RNF17: variants seen among roughly 807,000 people sequenced by gnomAD.
The protein encoded by RNF17 is spermatogenesis associated 23.
In RNF17, 31 loss-of-function variants were observed where a neutral mutation model predicts 200.5. That is an observed-to-expected ratio of 0.15 (90% CI 0.12 to 0.21). RNF17 has a LOEUF of 0.21. Among genes scored for constraint, RNF17 ranks in the 10% least tolerant of loss-of-function variants. The pLI is 1.00. For synonymous variants in RNF17, 606 were observed against 637.8 expected, an observed-to-expected ratio of 0.95 and a Z score of 0.75; for missense variants, 1,628 against 1,905.1, an observed-to-expected ratio of 0.85 and a Z score of 2.71.
chr13:24,768,637 T>C (rs1173215005), intron 2 of RNF17, among the ~76,000 whole-genome samples: 1 of 151,860 alleles, frequency 6.6e-6, no homozygotes. Context: ...AGGCTTTGTA[T>C]CATTTGTTTT....
chr13:24,793,215 A>G lies in RNF17; in HGVS notation c.1109A>G (p.His370Arg). ...PPLQPETNDVHLEAKNFQPQK... is the reference protein window; with the variant it reads ...PPLQPETNDVRLEAKNFQPQK... ...TTGCAACCTGAGACAAATGATGTAC[A>G]TTTAGAAGCAAAAAACTTCCAGCCA... Residue 370 changes from histidine (H) to arginine (R), a missense_variant, in exon 10 of 36, where the codon CAT becomes CGT. Physicochemically the swap from His to Arg is conservative, Grantham distance 29. Coordinates refer to ENST00000255324, the MANE Select transcript of RNF17 (RefSeq NM_031277.3). 1 of 1,614,124 alleles carries G rather than the reference A, an allele frequency of 6.2e-7. No homozygotes were observed. Among genetic ancestry groups the G allele is most frequent in the Non-Finnish European group, 8.5e-7 (1 of 1,179,980 alleles).
At chr13:24,766,914 G>C (rs999182457) in intron 1 of RNF17, among the ~76,000 whole-genome samples, 7 of 152,170 alleles carry the variant, frequency 4.6e-5, no homozygotes, top group African/African-American at 1.4e-4. Flanking sequence ...GACCTGAATA[G>C]TTGGTTACTC....
intron 15 of RNF17, among the ~76,000 whole-genome samples, chr13:24,808,901 A>C (rs1305490448): frequency 1.5e-5 from 2 of 137,002 alleles, no homozygotes; most frequent in African/African-American, 5.5e-5. Context: ...TATTGAGATA[A>C]TCATGTGGTT....
rs1250550135 is a variant in RNF17, at chr13:24,810,940, T to C, written c.2091+6511T>C. 2.0e-5 allele frequency among the ~76,000 whole-genome samples: 3 copies of C among 150,414 alleles called. No homozygotes were observed. In the East Asian group the frequency reaches 5.9e-4, roughly 29 times the overall value. Reference sequence around the variant, plus strand: ...GGATATGAAATTCTGGGTTGAAAATTCTTTTCTTTAAGAATGTTGAATATT... The same window carrying C: ...GGATATGAAATTCTGGGTTGAAAATCCTTTTCTTTAAGAATGTTGAATATT... On this transcript the variant is annotated intron_variant, in intron 15 of 35. Transcript: ENST00000255324.
intron 15 of RNF17, among the ~76,000 whole-genome samples, chr13:24,817,811 A>C (rs992707669): frequency 1.3e-5 from 2 of 150,640 alleles, no homozygotes; most frequent in Non-Finnish European, 3.0e-5. Flanking sequence ...TTTCTTTTCT[A>C]GTTATTCTAG....
In RNF17 at chr13:24,799,574, A is replaced by T. The variant is rs760411937; in HGVS notation, c.1579A>T (p.Ile527Phe). 27 of 1,591,732 alleles carry T rather than the reference A, an allele frequency of 1.7e-5. No individual in the cohort carries two copies. Among genetic ancestry groups the T allele is most frequent in the Admixed American group, 5.1e-5 (3 of 58,970 alleles). Reference protein sequence around the residue: ...MVDFGNSEVLIVTGVVDTHVR... With the variant: ...MVDFGNSEVLFVTGVVDTHVR... ...AGATTTTGGAAATTCTGAAGTCCTGATTGTCACTGGGTATGATATTTTATA... is the reference window on the plus strand; with the variant it reads ...AGATTTTGGAAATTCTGAAGTCCTGTTTGTCACTGGGTATGATATTTTATA... The change falls in exon 12 of 36, where the codon ATT (isoleucine) becomes TTT (phenylalanine). Residue 527 changes from isoleucine (I) to phenylalanine (F), a missense_variant. By Grantham distance (21) the Ile-to-Phe change is conservative. This residue lies in a region of RNF17 where 289 missense variants were observed against 384.9 expected (regional missense o/e 0.75). Coordinates refer to ENST00000255324, the MANE Select transcript of RNF17 (RefSeq NM_031277.3).
At chr13:24,822,998 CAT>C (rs1156726385) in intron 15 of RNF17, among the ~76,000 whole-genome samples, 2 of 152,162 alleles carry the variant, frequency 1.3e-5, no homozygotes, top group African/African-American at 2.4e-5. Flanking sequence ...TTTAAGAACT[CAT>C]AGAATTTCTT....
chr13:24,764,407 C>G lies in RNF17; in HGVS notation c.130+74C>G, dbSNP rs999857821. On this transcript the variant is annotated intron_variant, in intron 1 of 35. Coordinates refer to ENST00000255324, the MANE Select transcript of RNF17 (RefSeq NM_031277.3). ...GCTGGGGGCCAGGTGAGCTGGTGGG[C>G]GCGTGAGGCTTGGTCAGCTGCATCC... 5 of 1,479,004 alleles carry G rather than the reference C, an allele frequency of 3.4e-6. No individual in the cohort carries two copies. In the East Asian group the frequency reaches 1.0e-4, roughly 30 times the overall value. 91.6% of individuals were successfully genotyped at this position (1,479,004 alleles called of 1,614,324 possible).
Position 24,795,485 on chromosome 13 carries a change from T to C in RNF17, c.1241-652T>C, listed in dbSNP as rs541355176. ...CTGTTTTGTTTTTGCATTCCTTCCT[T>C]AACATTGTACTTTGGAGATCTTTTC... is the stretch of plus-strand genomic sequence containing the variant. On this transcript the variant is annotated intron_variant, in intron 10 of 35. Coordinates refer to ENST00000255324, the MANE Select transcript of RNF17 (RefSeq NM_031277.3). Among the ~76,000 whole-genome samples, 23 of 151,918 alleles carry C rather than the reference T, an allele frequency of 1.5e-4. No homozygotes were observed. The South Asian group carries it at 4.6e-3, about 30-fold the overall frequency.
At chr13:24,767,190 C>T (rs977646397) in intron 1 of RNF17, 82 bp from the exon 2 acceptor site, 1 of 957,290 alleles carries the variant, frequency 1.0e-6, no homozygotes, top group Non-Finnish European at 1.6e-6. Flanking sequence ...TGCCACTACA[C>T]TCCAGCTTGG....
intron 32 of RNF17, among the ~76,000 whole-genome samples, chr13:24,873,687 C>T (rs1267402084): frequency 6.6e-6 from 1 of 152,148 alleles, no homozygotes; most frequent in Non-Finnish European, 1.5e-5. Flanking sequence ...ACCAACCTCT[C>T]TTCATCCCCC....
chr13:24,879,546 T>C (rs1895223191), intron 35 of RNF17, among the ~76,000 whole-genome samples, 191 bp from the exon 36 acceptor site: 1 of 151,852 alleles, frequency 6.6e-6, no homozygotes, highest in Non-Finnish European at 1.5e-5. Flanking sequence ...CAGGAGAGAG[T>C]GGCCACTGTA....
chr13:24,861,984 C>G (rs1593461739), intron 27 of RNF17, among the ~76,000 whole-genome samples: 1 of 152,238 alleles, frequency 6.6e-6, no homozygotes, highest in African/African-American at 2.4e-5. Flanking sequence ...AAGAGAAGCA[C>G]ATACCTTCTT....
upstream of RNF17, among the ~76,000 whole-genome samples, chr13:24,759,878 C>A (rs577571782): frequency 3.3e-5 from 5 of 152,146 alleles, no homozygotes; most frequent in African/African-American, 9.7e-5. Context: ...CGGTGGCTCA[C>A]GCCTGTAATC....
Position 24,789,840 on chromosome 13 carries a change from A to C in RNF17, c.935+68A>C, listed in dbSNP as rs77244570. On this transcript the variant is annotated intron_variant, in intron 9 of 35. Transcript: ENST00000255324. The stretch of plus-strand genomic sequence containing the variant: ...AGTACTTACATTATCTAAGAGACAG[A>C]AGAATTGATGTTTAGTGTAATTCAA... 308 of 891,604 alleles carry C rather than the reference A, an allele frequency of 3.5e-4. 1 individual carries two copies. The African/African-American group carries it at 4.9e-3, about 14-fold the overall frequency. The allele number at this position is 891,604 out of a possible 1,614,324, so 55.2% of individuals were successfully genotyped here. A position where few individuals can be genotyped will look rare whatever the true frequency, so the allele number is the denominator to read the frequency against.
chr13:24,886,955 G>A, the RNF17 span, among the ~76,000 whole-genome samples: 1 of 152,150 alleles, frequency 6.6e-6, no homozygotes, highest in South Asian at 2.1e-4. Flanking sequence ...AGAGGTGACC[G>A]TGGGCATAGA....
At chr13:24,786,960 T>C (rs1245672730) in intron 6 of RNF17, among the ~76,000 whole-genome samples, 1 of 152,188 alleles carries the variant, frequency 6.6e-6, no homozygotes, top group African/African-American at 2.4e-5. Flanking sequence ...ATTAGTCTGC[T>C]TGATAGTGAC....
At chr13:24,758,145 T>G in the RNF17 span, among the ~76,000 whole-genome samples, 1 of 152,318 alleles carries the variant, frequency 6.6e-6, no homozygotes, top group African/African-American at 2.4e-5. Context: ...AAACCTCTTT[T>G]ATTTGTAAAT....
chr13:24,882,478 AGTAATCTC>A, downstream of RNF17: 1 of 135,698 alleles, frequency 7.4e-6, no homozygotes, highest in African/African-American at 2.5e-5. Flanking sequence ...ATGAGGCTAC[AGTAATCTC>A]ACTGTGGTAA....
Sources: allele counts gnomAD v4.1 joint callset (sites outside exome capture counted in the v4.1 genomes callset), GRCh38; gene constraint gnomAD v4.1.1; regional missense constraint gnomAD v4.1.1; transcripts MANE v1.5; gene names NCBI Gene and HGNC (gene_info 2026-07-23, HGNC 2026-07-21).